Variants in NLK observed in about 807,000 individuals in gnomAD.
NLK encodes the protein serine/threonine-protein kinase NLK.
NLK carries 11 observed loss-of-function variants against 59.0 expected under a neutral mutation model. That is an observed-to-expected ratio of 0.19 (90% CI 0.12 to 0.31). NLK has a LOEUF of 0.31. Ranked by LOEUF, NLK falls within the 10% of genes least tolerant of loss-of-function variation. NLK has a pLI of 1.00. For synonymous variants in NLK, 235 were observed against 235.9 expected, an observed-to-expected ratio of 1.00 and a Z score of 0.03; for missense variants, 410 against 661.1, an observed-to-expected ratio of 0.62 and a Z score of 4.16.
At chr17:28,128,043 T>G (rs572450001) in intron 2 of NLK, among the ~76,000 whole-genome samples, 1 of 152,168 alleles carries the variant, frequency 6.6e-6, no homozygotes, top group East Asian at 1.9e-4. Context: ...AATAAACAGT[T>G]CTGAGTCCGT....
At chr17:28,079,781 T>C (rs546518229) in intron 1 of NLK, among the ~76,000 whole-genome samples, 4 of 152,222 alleles carry the variant, frequency 2.6e-5, no homozygotes, top group Admixed American at 2.0e-4. Context: ...GGTTGCCTTA[T>C]CACTCTGTTG....
chr17:28,197,970 G>T (rs918805876), downstream of NLK, among the ~76,000 whole-genome samples: 3 of 152,114 alleles, frequency 2.0e-5, no homozygotes, highest in Non-Finnish European at 4.4e-5. Flanking sequence ...CTCCAAGAAT[G>T]GTGAACAAAG....
intron 1 of NLK, among the ~76,000 whole-genome samples, chr17:28,068,361 G>A (rs548165932): frequency 1.3e-5 from 2 of 152,222 alleles, no homozygotes; most frequent in East Asian, 3.9e-4. Context: ...GGGGGAAAGA[G>A]TAAAATAAGG....
At chr17:28,102,566 T>C (rs1904939762) in intron 1 of NLK, among the ~76,000 whole-genome samples, 1 of 151,668 alleles carries the variant, frequency 6.6e-6, no homozygotes, top group Admixed American at 6.6e-5. Flanking sequence ...GGAGAATCAC[T>C]TGAACCCGGG....
At chr17:28,103,352 T>G (rs1435052393) in intron 1 of NLK, among the ~76,000 whole-genome samples, 2 of 152,244 alleles carry the variant, frequency 1.3e-5, no homozygotes. Context: ...TTTCTAAGAT[T>G]GTGCTTTACC....
At chr17:28,099,993 G>A (rs918671650) in intron 1 of NLK, among the ~76,000 whole-genome samples, 1 of 152,102 alleles carries the variant, frequency 6.6e-6, no homozygotes, top group African/African-American at 2.4e-5. Flanking sequence ...ACATTTATTT[G>A]TGTGTTCATC....
At chr17:28,068,481 AAT>A (rs967754910) in intron 1 of NLK, among the ~76,000 whole-genome samples, 9 of 152,046 alleles carry the variant, frequency 5.9e-5, no homozygotes, top group African/African-American at 2.2e-4. Context: ...CTTGTGATAT[AAT>A]TTTGTTGTGA....
chr17:28,065,270 G>C (rs1909789487), intron 1 of NLK, among the ~76,000 whole-genome samples: 1 of 152,064 alleles, frequency 6.6e-6, no homozygotes, highest in South Asian at 2.1e-4. Flanking sequence ...TTTCTAGGCA[G>C]TGTAGGCCTG....
At chr17:28,120,253 TG>T (rs1905975202) in intron 1 of NLK, among the ~76,000 whole-genome samples, 1 of 145,224 alleles carries the variant, frequency 6.9e-6, no homozygotes, top group Non-Finnish European at 1.5e-5. Context: ...TGTGTGTGTG[TG>T]TGTGTGTGTG....
intron 1 of NLK, among the ~76,000 whole-genome samples, chr17:28,092,860 A>G (rs1449006625): frequency 2.0e-5 from 3 of 151,368 alleles, no homozygotes; most frequent in East Asian, 3.9e-4. Context: ...CAGTGGCGCA[A>G]TCTTGGCTCA....
intron 1 of NLK, among the ~76,000 whole-genome samples, chr17:28,076,855 T>C (rs899327300): frequency 6.6e-6 from 1 of 152,134 alleles, no homozygotes; most frequent in Admixed American, 6.5e-5. Flanking sequence ...AATTGGACTT[T>C]TGTATTACCA....
At chr17:28,088,371 C>G (rs1250668797) in intron 1 of NLK, among the ~76,000 whole-genome samples, 1 of 152,110 alleles carries the variant, frequency 6.6e-6, no homozygotes, top group Admixed American at 6.6e-5. Context: ...TCTAATTCTA[C>G]CAGGTCTTCT....
chr17:28,194,506 A>G, intron 10 of NLK, 76 bp from the exon 11 acceptor site: 1 of 1,039,534 alleles, frequency 9.6e-7, no homozygotes, highest in Non-Finnish European at 1.4e-6. Flanking sequence ...GGAAGAGAGG[A>G]AAACAGGAAG....
At chr17:28,111,896 G>GGTGGGT (rs1905521117) in intron 1 of NLK, among the ~76,000 whole-genome samples, 1 of 67,484 alleles carries the variant, frequency 1.5e-5, no homozygotes, top group Non-Finnish European at 2.7e-5. Context: ...GTGTGTGTGT[G>GGTGGGT]GTGTGTGTGT....
At position 28,142,273 on chromosome 17, in the gene NLK, T is replaced by G. The variant is rs539642755; in HGVS notation, c.644+9598T>G. On this transcript the variant is annotated intron_variant, in intron 3 of 10. Coordinates refer to ENST00000407008, the MANE Select transcript of NLK (RefSeq NM_016231.5). ...AATTACAACTGAGGTAGTTTTAATT[T>G]TTGACATTCTATACAACAAATTTGT... 9.2e-5 allele frequency among the ~76,000 whole-genome samples: 14 copies of G among 152,324 alleles called. No individual in the cohort carries two copies. In the East Asian group the frequency reaches 2.7e-3, roughly 29 times the overall value.
chr17:28,120,542 A>G (rs1390128581), intron 1 of NLK, among the ~76,000 whole-genome samples: 1 of 152,122 alleles, frequency 6.6e-6, no homozygotes, highest in Non-Finnish European at 1.5e-5. Flanking sequence ...CTTGAGCCCA[A>G]GAGTTCCAAG....
intron 1 of NLK, among the ~76,000 whole-genome samples, chr17:28,081,560 G>T (rs1308896672): frequency 6.6e-6 from 1 of 151,996 alleles, no homozygotes; most frequent in Non-Finnish European, 1.5e-5. Context: ...CAAATAAAAA[G>T]AACTGGAAGA....
At chr17:28,144,975 A>T (rs973486074) in intron 3 of NLK, among the ~76,000 whole-genome samples, 2 of 152,182 alleles carry the variant, frequency 1.3e-5, no homozygotes, top group African/African-American at 4.8e-5. Context: ...GCCAGAGTAC[A>T]GTTTATTTAT....
At chr17:28,050,340 T>TG (rs1005454617) in intron 1 of NLK, among the ~76,000 whole-genome samples, 1 of 151,922 alleles carries the variant, frequency 6.6e-6, no homozygotes, top group Non-Finnish European at 1.5e-5. Context: ...GTGCAGTGGG[T>TG]GGTAGGAAGT....
Sources: allele counts gnomAD v4.1 joint callset (sites outside exome capture counted in the v4.1 genomes callset), GRCh38; gene constraint gnomAD v4.1.1; transcripts MANE v1.5; gene names NCBI Gene and HGNC (gene_info 2026-07-23, HGNC 2026-07-21).